Variants in FGF12 observed in about 807,000 individuals in gnomAD.
FGF12 encodes fibroblast growth factor 12B.
A neutral mutation model predicts 23.6 loss-of-function variants in FGF12; 14 were observed. The ratio of observed to expected loss-of-function variants is 0.59; its 90% CI spans 0.39 to 0.93. The LOEUF is 0.93. Ranked by LOEUF, FGF12 falls within the 40% of genes least tolerant of loss-of-function variation. The probability of loss-of-function intolerance (pLI) is 0.00; values close to 1 mark genes in which losing one functional copy is unlikely to be tolerated. For missense variants in FGF12, 175 were observed against 217.8 expected (o/e 0.80, Z 1.24); for synonymous variants, 62 against 77.3 (o/e 0.80, Z 1.04).
intron 4 of FGF12, among the ~76,000 whole-genome samples, chr3:192,178,551 T>C (rs1173136625): frequency 2.6e-5 from 4 of 152,120 alleles, no homozygotes; most frequent in Middle Eastern, 3.4e-3. Context: ...CAGGCTGGAG[T>C]GCAGTGGCAC....
chr3:192,677,610 C>A (rs1420529242), intron 2 of FGF12, among the ~76,000 whole-genome samples: 2 of 152,126 alleles, frequency 1.3e-5, no homozygotes, highest in Non-Finnish European at 2.9e-5. Flanking sequence ...AAATTGGAAA[C>A]TGAAAAAACA....
In FGF12 at chr3:192,493,409, T is replaced by C. The variant is rs569790440; in HGVS notation, c.14-132871A>G. Among the ~76,000 whole-genome samples, 98 of 152,338 alleles carry C rather than the reference T, an allele frequency of 6.4e-4. 1 individual carries two copies. The highest frequency in any genetic ancestry group is 2.3e-3 in the South Asian group (11 of 4,828). On this transcript the variant is annotated intron_variant, in intron 2 of 5. Coordinates refer to ENST00000445105, the MANE Select transcript of FGF12 (RefSeq NM_004113.6). ...ATTCTTGCTTCTTCCACCCAATTTA[T>C]GCACTTATCCAAGTCTATGTGCTAA...
intron 2 of FGF12, among the ~76,000 whole-genome samples, chr3:192,372,176 A>G (rs1306369562): frequency 6.6e-6 from 1 of 152,190 alleles, no homozygotes; most frequent in African/African-American, 2.4e-5. Context: ...TGAACAGGAC[A>G]CATTATTTGG....
chr3:192,402,958 G>A (rs558369516), intron 2 of FGF12, among the ~76,000 whole-genome samples: 28 of 152,186 alleles, frequency 1.8e-4, no homozygotes, highest in South Asian at 1.2e-3. Context: ...CATATCAAGC[G>A]TGTCCTCTAT....
chr3:192,695,483 C>A (rs1283605000), intron 2 of FGF12, among the ~76,000 whole-genome samples: 2 of 152,150 alleles, frequency 1.3e-5, no homozygotes, highest in Non-Finnish European at 2.9e-5. Flanking sequence ...AGATATCACT[C>A]ATACCAGAAA....
rs913296047 is a variant in FGF12 at position 192,360,546 on chromosome 3, A to G, written c.14-8T>C. 2.5e-6 allele frequency: 4 copies of G among 1,598,968 alleles called. No homozygotes were observed. The Admixed American group carries it at 6.7e-5, about 27-fold the overall frequency. ...TCCCTTTGAGCTGGGGTTCTGCAAAACAAAATAATTATTCAAATTTTTATT... is the reference window on the plus strand; with the variant it reads ...TCCCTTTGAGCTGGGGTTCTGCAAAGCAAAATAATTATTCAAATTTTTATT... On this transcript the variant is annotated splice_polypyrimidine_tract_variant and splice_region_variant and intron_variant, in intron 2 of 5. Transcript: ENST00000445105. This position sits in a 1 kb window ranked among gnomAD's most constrained non-coding sequence, Gnocchi z 4.3.
At chr3:192,654,249 G>T (rs1716314955) in intron 2 of FGF12, among the ~76,000 whole-genome samples, 1 of 152,188 alleles carries the variant, frequency 6.6e-6, no homozygotes, top group Non-Finnish European at 1.5e-5. Flanking sequence ...AGGTTATCTG[G>T]CTGTGCTTCC....
intron 2 of FGF12, among the ~76,000 whole-genome samples, chr3:192,415,732 T>TCTCACACA (rs369293180): frequency 1.6e-4 from 19 of 117,936 alleles, no homozygotes; most frequent in African/African-American, 2.9e-4. Context: ...TCTCTCTCTC[T>TCTCACACA]CACACACACA....
chr3:192,335,146 A>G (rs1190326980), intron 4 of FGF12, among the ~76,000 whole-genome samples: 2 of 152,234 alleles, frequency 1.3e-5, no homozygotes, highest in African/African-American at 4.8e-5. Flanking sequence ...CAAAGAATTT[A>G]TATCGCATGG....
chr3:192,619,556 T>G (rs1343255165), intron 2 of FGF12, among the ~76,000 whole-genome samples: 2 of 152,264 alleles, frequency 1.3e-5, no homozygotes, highest in East Asian at 3.9e-4. Flanking sequence ...CTCAGAACTT[T>G]TATTGGCAAG....
chr3:192,538,156 C>T (rs1209384451), intron 2 of FGF12, among the ~76,000 whole-genome samples: 1 of 152,020 alleles, frequency 6.6e-6, no homozygotes, highest in Non-Finnish European at 1.5e-5. Context: ...CCATTTTGGC[C>T]AGACTGGTCT....
At chr3:192,320,861 AAAACATTTCTAAT>A (rs1241412479) in intron 4 of FGF12, among the ~76,000 whole-genome samples, 1 of 152,074 alleles carries the variant, frequency 6.6e-6, no homozygotes, top group Non-Finnish European at 1.5e-5. Context: ...ATAAAAAAGT[AAAACATTTCTAAT>A]AAACCTAACG....
At chr3:192,634,862 A>AT (rs1178390334) in intron 2 of FGF12, among the ~76,000 whole-genome samples, 1 of 151,790 alleles carries the variant, frequency 6.6e-6, no homozygotes, top group African/African-American at 2.4e-5. Flanking sequence ...GATGAGAATA[A>AT]TTTTTTTTCT....
At chr3:192,276,346 AT>A (rs1319617349) in intron 4 of FGF12, among the ~76,000 whole-genome samples, 1 of 152,174 alleles carries the variant, frequency 6.6e-6, no homozygotes, top group Non-Finnish European at 1.5e-5. Context: ...GCTGAGTAAA[AT>A]GGACAAGTTT....
At chr3:192,494,340 G>A (rs975767687) in intron 2 of FGF12, among the ~76,000 whole-genome samples, 1 of 152,198 alleles carries the variant, frequency 6.6e-6, no homozygotes, top group East Asian at 1.9e-4. Context: ...TCACTGCAAA[G>A]TTGATAAGCA....
At chr3:192,504,675 G>A (rs191694135) in intron 2 of FGF12, among the ~76,000 whole-genome samples, 36 of 152,236 alleles carry the variant, frequency 2.4e-4, no homozygotes, top group African/African-American at 8.2e-4. Context: ...TCAGGACCTC[G>A]ACCTGCCTCT....
chr3:192,319,839 T>C (rs9824197), intron 4 of FGF12, among the ~76,000 whole-genome samples: 44,065 of 151,604 alleles, frequency 0.29, 9,200 homozygotes, highest in African/African-American at 0.58. Flanking sequence ...ACAAAAATCA[T>C]ACAACAGATA....
chr3:192,395,311 T>C (rs1720472432), intron 2 of FGF12, among the ~76,000 whole-genome samples: 1 of 152,164 alleles, frequency 6.6e-6, no homozygotes, highest in South Asian at 2.1e-4. Context: ...GGGATGGCCA[T>C]TAGGAGTTGG....
chr3:192,310,190 A>T (rs546198188), intron 4 of FGF12, among the ~76,000 whole-genome samples: 77 of 152,282 alleles, frequency 5.1e-4, no homozygotes, highest in African/African-American at 1.5e-3. Flanking sequence ...CACAAAATAG[A>T]CTTCTATGAC....
Sources: gnomAD v4.1 joint callset for allele counts (sites outside exome capture counted in the v4.1 genomes callset) on GRCh38, gnomAD v4.1.1 for gene constraint, Gnocchi (gnomAD v3.1) non-coding constraint, MANE v1.5 for transcripts, NCBI Gene and HGNC (gene_info 2026-07-23, HGNC 2026-07-21) for gene names.